The following RALGAPA1 variants were observed in gnomAD, a reference collection of about 807,000 sequenced individuals.
RALGAPA1 encodes Ral GTPase activating protein catalytic subunit alpha 1.
A neutral mutation model predicts 269.6 loss-of-function variants in RALGAPA1; 52 were observed. That is an observed-to-expected ratio of 0.19 (90% CI 0.15 to 0.24). The LOEUF (loss-of-function observed/expected upper bound fraction) is 0.24, where lower values mean the gene tolerates loss of function less well. Among genes scored for constraint, RALGAPA1 ranks in the 10% least tolerant of loss-of-function variants. The pLI is 1.00. For synonymous variants in RALGAPA1, 817 were observed against 1,008.3 expected, an observed-to-expected ratio of 0.81 and a Z score of 3.60; for missense variants, 1,917 against 3,013.9, an observed-to-expected ratio of 0.64 and a Z score of 8.52.
chr14:35,734,911 C>T (rs1273286875), intron 12 of RALGAPA1, among the ~76,000 whole-genome samples: 1 of 151,608 alleles, frequency 6.6e-6, no homozygotes, highest in Non-Finnish European at 1.5e-5. Context: ...AGACAATTCT[C>T]AAAAGAAGAT....
intron 32 of RALGAPA1, among the ~76,000 whole-genome samples, chr14:35,635,102 C>T (rs1422679474): frequency 1.3e-5 from 2 of 151,724 alleles, no homozygotes; most frequent in Admixed American, 6.6e-5. Flanking sequence ...ATCCAGGAGA[C>T]GGAGGTTGCA....
At chr14:35,549,803 T>C (rs2054805861) in intron 39 of RALGAPA1, among the ~76,000 whole-genome samples, 2 of 152,164 alleles carry the variant, frequency 1.3e-5, no homozygotes, top group South Asian at 4.1e-4. Context: ...GTTGCTGTAA[T>C]CCTCGAATAA....
At position 35,742,457 on chromosome 14, in the gene RALGAPA1, C is replaced by T. The variant is rs891757419; in HGVS notation, c.1360G>A (p.Glu454Lys). 6.9e-6 allele frequency: 11 copies of T among 1,602,476 alleles called. No homozygotes were observed. The highest frequency in any genetic ancestry group is 9.4e-6 in the Non-Finnish European group (11 of 1,170,310). Reference protein sequence around the residue: ...EKPLFMQEPEEIVITSSDLPC... With the variant: ...EKPLFMQEPEKIVITSSDLPC... ...AGGTCTGAAGAAGTGATCACAATTT[C>T]TTCAGGCTCTTGCATGAACAAAGGT... The change falls in exon 11 of 42, where the codon GAA (glutamate) becomes AAA (lysine). Residue 454 changes from glutamate to lysine, a missense_variant. By Grantham distance (56) the Glu-to-Lys change is moderately conservative. Coordinates refer to ENST00000680220, the MANE Select transcript of RALGAPA1 (RefSeq NM_001346249.2).
At chr14:35,599,697 A>G (rs1388027938) in intron 36 of RALGAPA1, among the ~76,000 whole-genome samples, 1 of 152,188 alleles carries the variant, frequency 6.6e-6, no homozygotes, top group Non-Finnish European at 1.5e-5. Flanking sequence ...GGTTGCAATG[A>G]GCCGAGATCA....
At chr14:35,680,579 A>C (rs1270372496) in intron 21 of RALGAPA1, among the ~76,000 whole-genome samples, 1 of 130,812 alleles carries the variant, frequency 7.6e-6, no homozygotes, top group Non-Finnish European at 1.5e-5. Context: ...ACTGCCTTTA[A>C]TTTTATTTAT....
intron 36 of RALGAPA1, among the ~76,000 whole-genome samples, chr14:35,598,903 CTGTTT>C (rs1159945701): frequency 1.3e-5 from 2 of 152,118 alleles, no homozygotes; most frequent in Non-Finnish European, 2.9e-5. Context: ...TTTCATTTCT[CTGTTT>C]TATTTTTCCT....
At chr14:35,682,744 T>C (rs2065563242) in intron 21 of RALGAPA1, among the ~76,000 whole-genome samples, 1 of 152,230 alleles carries the variant, frequency 6.6e-6, no homozygotes, top group Admixed American at 6.5e-5. Flanking sequence ...AGGTATTCAT[T>C]ATAAAATAAG....
chr14:35,733,260 C>A (rs1025875093), intron 12 of RALGAPA1, among the ~76,000 whole-genome samples: 1 of 152,038 alleles, frequency 6.6e-6, no homozygotes, highest in African/African-American at 2.4e-5. Context: ...GGCGGATCAC[C>A]TGAGTGTGGG....
intron 4 of RALGAPA1, among the ~76,000 whole-genome samples, chr14:35,765,410 A>G (rs910083353): frequency 3.2e-4 from 48 of 152,186 alleles, no homozygotes; most frequent in African/African-American, 1.0e-3. Context: ...ATGTGTGTGT[A>G]CATACATATA....
rs372280362 is a variant in RALGAPA1 at position 35,801,547 on chromosome 14, C to T, written c.106+7183G>A. Among the ~76,000 whole-genome samples, 30 of 152,206 alleles carry T rather than the reference C, an allele frequency of 2.0e-4. 1 individual carries two copies. Among genetic ancestry groups the T allele is most frequent in the South Asian group, 1.0e-3 (5 of 4,822 alleles). ...CCTCCCAAAGTGCTGGGATTATAAG[C>T]ATGAGCCACCATGCCTGGACATGAA... On this transcript the variant is annotated intron_variant, in intron 1 of 41. Transcript: ENST00000680220.
At chr14:35,666,625 C>T (rs1241898537) in intron 26 of RALGAPA1, among the ~76,000 whole-genome samples, 1 of 152,156 alleles carries the variant, frequency 6.6e-6, no homozygotes, top group Non-Finnish European at 1.5e-5. Context: ...GTTTCCTATG[C>T]AGCCTTTCTC....
intron 4 of RALGAPA1, among the ~76,000 whole-genome samples, chr14:35,763,639 A>G (rs1162866554): frequency 6.6e-6 from 1 of 152,118 alleles, no homozygotes; most frequent in Non-Finnish European, 1.5e-5. Flanking sequence ...ATTCCACCGT[A>G]TGAACATACC....
At chr14:35,783,355 T>A (rs1188386254) in intron 1 of RALGAPA1, among the ~76,000 whole-genome samples, 7 of 152,170 alleles carry the variant, frequency 4.6e-5, no homozygotes, top group Admixed American at 1.3e-4. Flanking sequence ...TTTTTCCTCA[T>A]TGAGTTGTTT....
intron 35 of RALGAPA1, among the ~76,000 whole-genome samples, chr14:35,609,496 G>T (rs1275131817): frequency 6.6e-6 from 1 of 152,114 alleles, no homozygotes; most frequent in African/African-American, 2.4e-5. Flanking sequence ...TGAAAATATG[G>T]CCTGTAAGTA....
intron 39 of RALGAPA1, among the ~76,000 whole-genome samples, chr14:35,561,939 A>G (rs1214399014): frequency 2.0e-5 from 3 of 152,166 alleles, no homozygotes; most frequent in Non-Finnish European, 4.4e-5. Context: ...CAGTAGCACA[A>G]TGGCTGTGAG....
At chr14:35,674,495 T>G (rs369505472) in intron 23 of RALGAPA1, 21 bp downstream of exon 23, 8 of 1,584,732 alleles carry the variant, frequency 5.0e-6, no homozygotes, top group Non-Finnish European at 6.9e-6. Context: ...TCTCCACTTA[T>G]ATCCGCTATT....
At position 35,711,532 on chromosome 14, in the gene RALGAPA1, C is replaced by T. The variant is rs558901747; in HGVS notation, c.2266+10156G>A. 6.6e-5 allele frequency among the ~76,000 whole-genome samples: 10 copies of T among 152,302 alleles called. No homozygotes were observed. The South Asian group carries it at 2.1e-3, about 32-fold the overall frequency. ...GCATAATCTCCGCTCACTGCAGTGT[C>T]AACTTCCTGGGCTCAAGAGATCCTC... On this transcript the variant is annotated intron_variant, in intron 16 of 41. Coordinates refer to ENST00000680220, the MANE Select transcript of RALGAPA1 (RefSeq NM_001346249.2).
rs1044057888 is a variant in RALGAPA1 at position 35,570,681 on chromosome 14, C to G, written c.7432G>C (p.Val2478Leu). ...IVNGKVLPIMVRATAINASRA... is the reference protein window; with the variant it reads ...IVNGKVLPIMLRATAINASRA... ...CTTGCATTTATAGCTGTTGCTCTAA[C>G]CATAATGGGTAGAACCTTTCCATTC... is the stretch of plus-strand genomic sequence containing the variant. Residue 2478 changes from valine (V) to leucine (L), a missense_variant, in exon 39 of 42, where the codon GTT (valine) becomes CTT (leucine). This residue lies in a region of RALGAPA1 where 91 missense variants were observed against 130.9 expected (regional missense o/e 0.70). Coordinates refer to ENST00000680220, the MANE Select transcript of RALGAPA1 (RefSeq NM_001346249.2). The G allele has an allele frequency of 1.2e-6, 2 of 1,611,130 alleles. No individual in the cohort carries two copies. Among genetic ancestry groups the G allele is most frequent in the African/African-American group, 2.7e-5 (2 of 74,700 alleles).
chr14:35,776,186 GC>G (rs1391635637), intron 1 of RALGAPA1, among the ~76,000 whole-genome samples: 1 of 152,058 alleles, frequency 6.6e-6, no homozygotes, highest in African/African-American at 2.4e-5. Context: ...TTCGAAACCA[GC>G]CTGGCCAACA....
Sources: allele counts gnomAD v4.1 joint callset (sites outside exome capture counted in the v4.1 genomes callset), GRCh38; gene constraint gnomAD v4.1.1; regional missense constraint gnomAD v4.1.1; transcripts MANE v1.5; gene names NCBI Gene and HGNC (gene_info 2026-07-23, HGNC 2026-07-21).